RALY: variants seen among roughly 807,000 people sequenced by gnomAD.
The protein encoded by RALY is RALY heterogeneous nuclear ribonucleoprotein, also known as RNA-binding protein Raly.
In RALY, 15 loss-of-function variants were observed where a neutral mutation model predicts 30.7. The observed-to-expected ratio is 0.49, with a 90% CI of 0.33 to 0.75. RALY has a LOEUF of 0.75. Among genes scored for constraint, RALY ranks in the 30% least tolerant of loss-of-function variants. The pLI is 0.02. For synonymous variants in RALY, 177 were observed against 170.8 expected (o/e 1.04, Z -0.28); for missense variants, 339 against 414.3 (o/e 0.82, Z 1.58).
Position 34,070,493 on chromosome 20 carries a change from A to T in RALY, c.-9-1573A>T, listed in dbSNP as rs148542583. ...AGGTGCAGTCTCATCTCTAAGCCAA[A>T]CAGAACAAAATTTGAACGAGTTAGT... On this transcript the variant is annotated intron_variant, in intron 2 of 9. Transcript: ENST00000246194. Among the ~76,000 whole-genome samples, 326 of 152,364 alleles carry T rather than the reference A, an allele frequency of 2.1e-3. 3 individuals are homozygous for T. The highest frequency in any genetic ancestry group is 0.012 in the South Asian group (58 of 4,832).
intron 2 of RALY, among the ~76,000 whole-genome samples, chr20:34,055,030 T>C (rs1340795079): frequency 6.6e-6 from 1 of 152,174 alleles, no homozygotes; most frequent in East Asian, 1.9e-4. Context: ...AACAGCCTTA[T>C]GGAGAAAGTA....
At chr20:34,072,411 T>C (rs2033753297) in intron 3 of RALY, 81 bp downstream of exon 3, 8 of 1,477,724 alleles carry the variant, frequency 5.4e-6, no homozygotes, top group Non-Finnish European at 7.2e-6. Flanking sequence ...CCCTTCTCTC[T>C]TTCTCTCACC....
At chr20:34,072,959 T>TGTGTGTGTGTGAGAGA (rs142692706) in intron 3 of RALY, among the ~76,000 whole-genome samples, 4 of 148,892 alleles carry the variant, frequency 2.7e-5, no homozygotes, top group African/African-American at 1.0e-4. Flanking sequence ...TGTGTGTGTG[T>TGTGTGTGTGTGAGAGA]GAGAGAGAGA....
chr20:34,047,165 C>T (rs1372342955), intron 2 of RALY, among the ~76,000 whole-genome samples: 4 of 152,096 alleles, frequency 2.6e-5, no homozygotes, highest in Non-Finnish European at 5.9e-5. Context: ...CCCTAAAATT[C>T]AACACTAGTT....
intron 1 of RALY, among the ~76,000 whole-genome samples, chr20:34,006,943 T>C (rs1329065964): frequency 6.6e-6 from 1 of 152,218 alleles, no homozygotes; most frequent in Non-Finnish European, 1.5e-5. Context: ...TGTTTTTTTC[T>C]ATAGATTTTT....
At chr20:34,051,777 G>T (rs1004669137) in intron 2 of RALY, among the ~76,000 whole-genome samples, 16 of 152,002 alleles carry the variant, frequency 1.1e-4, no homozygotes, top group Middle Eastern at 3.4e-3. Flanking sequence ...TTTTGTTGTT[G>T]TTGTTGTTTA....
At chr20:34,049,685 T>C (rs1394116656) in intron 2 of RALY, among the ~76,000 whole-genome samples, 1 of 152,226 alleles carries the variant, frequency 6.6e-6, no homozygotes, top group Non-Finnish European at 1.5e-5. Flanking sequence ...TTTGACATCA[T>C]TAATTCATTG....
intron 3 of RALY, among the ~76,000 whole-genome samples, chr20:34,072,957 TGTGA>T (rs530781428): frequency 0.012 from 1,386 of 116,778 alleles, 19 homozygotes; most frequent in African/African-American, 0.039. Flanking sequence ...TGTGTGTGTG[TGTGA>T]GAGAGAGAAC....
intron 1 of RALY, among the ~76,000 whole-genome samples, chr20:34,026,498 GTTCACGCCA>G (rs539235010): frequency 0.013 from 1,939 of 151,838 alleles, 21 homozygotes; most frequent in Non-Finnish European, 0.017. Flanking sequence ...CGCCTCCCGG[GTTCACGCCA>G]TTCTCCTGCC....
chr20:34,026,483 A>C (rs1264476401), intron 1 of RALY, among the ~76,000 whole-genome samples: 2 of 151,320 alleles, frequency 1.3e-5, no homozygotes, highest in Non-Finnish European at 2.9e-5. Flanking sequence ...GCTCACTGCA[A>C]GCTCCGCCTC....
intron 2 of RALY, among the ~76,000 whole-genome samples, chr20:34,052,300 A>T (rs2033104404): frequency 6.6e-6 from 1 of 152,162 alleles, no homozygotes. Context: ...AGGAACTCTC[A>T]TTAACATCTT....
chr20:34,044,402 C>G (rs924692949), intron 2 of RALY, among the ~76,000 whole-genome samples: 4 of 151,822 alleles, frequency 2.6e-5, no homozygotes, highest in African/African-American at 9.7e-5. Flanking sequence ...TTTTGGCTCA[C>G]TGCAACCTCC....
chr20:34,014,871 A>G (rs2031546338), intron 1 of RALY: 1 of 152,224 alleles, frequency 6.6e-6, no homozygotes, highest in African/African-American at 2.4e-5. Context: ...TTGAGATATC[A>G]GTGGAAAGCT....
At chr20:34,076,647 T>C (rs1601514983) in intron 6 of RALY, 55 bp from the exon 7 acceptor site, 1 of 1,441,654 alleles carries the variant, frequency 6.9e-7, no homozygotes, top group Non-Finnish European at 9.7e-7. Context: ...GGTTTTGTGC[T>C]AGTGTCAAGC....
intron 1 of RALY, among the ~76,000 whole-genome samples, chr20:34,021,518 C>T (rs2031821203): frequency 6.6e-6 from 1 of 152,186 alleles, no homozygotes; most frequent in Admixed American, 6.5e-5. Flanking sequence ...CACTTTCCTG[C>T]AGTAATGACA....
At chr20:34,070,949 T>C (rs1328215442) in intron 2 of RALY, among the ~76,000 whole-genome samples, 2 of 152,078 alleles carry the variant, frequency 1.3e-5, no homozygotes, top group East Asian at 1.9e-4. Flanking sequence ...TTTACAATCA[T>C]AGTGGAAGGC....
intron 2 of RALY, among the ~76,000 whole-genome samples, chr20:34,067,344 A>T (rs577544605): frequency 5.3e-5 from 8 of 150,244 alleles, no homozygotes; most frequent in Admixed American, 2.6e-4. Context: ...TTTTTTTTTT[A>T]AAGTAGAGAC....
In RALY at chr20:34,077,147, G is replaced by T; in HGVS notation, c.778G>T (p.Glu260Ter). 1 of 1,613,160 alleles carries T rather than the reference G, an allele frequency of 6.2e-7. No homozygotes were observed. Among genetic ancestry groups the T allele is most frequent in the Non-Finnish European group, 8.5e-7 (1 of 1,179,786 alleles). The change falls in exon 8 of 10, where the codon GAG becomes TAG. Residue 260 changes from glutamate (E) to a stop codon, truncating the protein, a stop_gained. Transcript: ENST00000246194. LOFTEE classifies it high-confidence loss of function. ...CAGCAGCCGGCCACCAGCCCCCCAA[G>T]AGAACACAACTTCTGAGGCAGGCCT... Reference protein sequence around the residue: ...GGSSRPPAPQENTTSEAGLPQ... With the variant: ...GGSSRPPAPQ
At chr20:34,013,434 AAAG>A in intron 1 of RALY, among the ~76,000 whole-genome samples, 2 of 149,004 alleles carry the variant, frequency 1.3e-5, no homozygotes, top group Admixed American at 1.3e-4. Context: ...AAAAAAAAAA[AAAG>A]GCATTTCGAC....
Sources: allele counts gnomAD v4.1 joint callset (sites outside exome capture counted in the v4.1 genomes callset), GRCh38; gene constraint gnomAD v4.1.1; transcripts MANE v1.5; gene names NCBI Gene and HGNC (gene_info 2026-07-23, HGNC 2026-07-21).